The following ZDHHC14 variants were observed in gnomAD, a reference collection of about 807,000 sequenced individuals.
ZDHHC14 encodes zDHHC palmitoyltransferase 14.
In ZDHHC14, 16 loss-of-function variants were observed where a neutral mutation model predicts 47.7. The ratio of observed to expected loss-of-function variants is 0.34; its 90% CI spans 0.23 to 0.51. ZDHHC14 has a LOEUF of 0.51. Among genes scored for constraint, ZDHHC14 ranks in the 20% least tolerant of loss-of-function variants. The pLI, the probability that ZDHHC14 is intolerant of heterozygous loss-of-function variation, is 0.97. For missense variants in ZDHHC14, 515 were observed against 662.5 expected, an observed-to-expected ratio of 0.78 and a Z score of 2.44; for synonymous variants, 293 against 278.9, an observed-to-expected ratio of 1.05 and a Z score of -0.50.
In ZDHHC14 at chr6:157,393,964, C is replaced by T. The variant is rs149136460; in HGVS notation, c.245+11698C>T. ...CTGTCCCCTGCTTAGAGCACCTGCC[C>T]CCTGACCTGGCATTTCCTCTTGCCT... On this transcript the variant is annotated intron_variant, in intron 1 of 8. Transcript: ENST00000359775. Among the ~76,000 whole-genome samples the T allele has an allele frequency of 2.8e-3, 427 of 152,272 alleles. 5 individuals carry two copies. The highest frequency in any genetic ancestry group is 1.7e-3 in the Non-Finnish European group (114 of 68,016).
At chr6:157,450,192 A>T (rs1778771046) in intron 1 of ZDHHC14, among the ~76,000 whole-genome samples, 1 of 152,006 alleles carries the variant, frequency 6.6e-6, no homozygotes, top group African/African-American at 2.4e-5. Context: ...CTCAAGCCAG[A>T]CTAGTATGCA....
At chr6:157,653,964 A>G (rs1777964754) in intron 8 of ZDHHC14, among the ~76,000 whole-genome samples, 1 of 152,148 alleles carries the variant, frequency 6.6e-6, no homozygotes, top group South Asian at 2.1e-4. Flanking sequence ...GGCTGGGCTC[A>G]TGATCTTCCA....
chr6:157,528,583 T>A (rs907370921), intron 1 of ZDHHC14, among the ~76,000 whole-genome samples: 38 of 151,806 alleles, frequency 2.5e-4, no homozygotes, highest in African/African-American at 8.2e-4. Flanking sequence ...TACAAAGAAA[T>A]TAGCCAGGCG....
rs1780219556 is a variant in ZDHHC14 at position 157,502,785 on chromosome 6, G to A, written c.246-39800G>A. ...GGCTCACTGCAACCTCCGCCTCCCA[G>A]GTTCAAGCGATTCTCCTGGCTCAGC... On this transcript the variant is annotated intron_variant, in intron 1 of 8. Coordinates refer to ENST00000359775, the MANE Select transcript of ZDHHC14 (RefSeq NM_024630.3). The surrounding 1 kb of genome is among the most constrained non-coding windows in gnomAD (Gnocchi z 4.0). 6.6e-6 allele frequency among the ~76,000 whole-genome samples: 1 copy of A among 152,154 alleles called. No individual in the cohort carries two copies. Among genetic ancestry groups the A allele is most frequent in the African/African-American group, 2.4e-5 (1 of 41,416 alleles).
chr6:157,460,387 A>C (rs1042122665), intron 1 of ZDHHC14, among the ~76,000 whole-genome samples: 2 of 135,790 alleles, frequency 1.5e-5, no homozygotes, highest in Non-Finnish European at 3.1e-5. Flanking sequence ...CAACAGAGCC[A>C]GACTCACTCT....
At chr6:157,662,852 C>T (rs908236173) in intron 8 of ZDHHC14, among the ~76,000 whole-genome samples, 78 of 152,296 alleles carry the variant, frequency 5.1e-4, no homozygotes, top group African/African-American at 1.5e-3. Flanking sequence ...AAATTACAAG[C>T]TCTAAAACAT....
chr6:157,548,436 GTTGT>G (rs199951969), intron 2 of ZDHHC14, among the ~76,000 whole-genome samples: 4,371 of 151,060 alleles, frequency 0.029, 218 homozygotes, highest in African/African-American at 0.097. Flanking sequence ...TGTTGTTGTT[GTTGT>G]TTGTTTGTTT....
At chr6:157,616,090 C>T (rs1784952819) in intron 3 of ZDHHC14, among the ~76,000 whole-genome samples, 1 of 152,108 alleles carries the variant, frequency 6.6e-6, no homozygotes, top group East Asian at 1.9e-4. Flanking sequence ...GCAAGAGGCT[C>T]CTGAGATGTC....
At chr6:157,585,932 C>T (rs1165394257) in intron 2 of ZDHHC14, among the ~76,000 whole-genome samples, 1 of 152,188 alleles carries the variant, frequency 6.6e-6, no homozygotes, top group Non-Finnish European at 1.5e-5. Flanking sequence ...CACTTGAGGG[C>T]CTGTGGCTGT....
chr6:157,587,439 ATG>A (rs1783737559), intron 2 of ZDHHC14, among the ~76,000 whole-genome samples: 1 of 152,116 alleles, frequency 6.6e-6, no homozygotes, highest in Non-Finnish European at 1.5e-5. Flanking sequence ...ACCTCTCCAG[ATG>A]CCTGTGACAT....
chr6:157,437,505 G>C (rs1375972559), intron 1 of ZDHHC14, among the ~76,000 whole-genome samples: 1 of 152,212 alleles, frequency 6.6e-6, no homozygotes, highest in East Asian at 1.9e-4. Context: ...GAAGGAAGCA[G>C]TGAGTGCTCT....
intron 1 of ZDHHC14, among the ~76,000 whole-genome samples, chr6:157,482,304 A>G (rs1314473546): frequency 7.7e-6 from 1 of 129,578 alleles, no homozygotes; most frequent in Non-Finnish European, 1.6e-5. Flanking sequence ...TCTGTTTCCC[A>G]GGCTGGAGTG....
intron 1 of ZDHHC14, among the ~76,000 whole-genome samples, chr6:157,469,548 G>A (rs996941421): frequency 1.3e-5 from 2 of 152,230 alleles, no homozygotes; most frequent in African/African-American, 4.8e-5. Context: ...CCTGACAACA[G>A]AAGTTTATTT....
At chr6:157,431,427 G>A (rs1778336831) in intron 1 of ZDHHC14, among the ~76,000 whole-genome samples, 1 of 152,184 alleles carries the variant, frequency 6.6e-6, no homozygotes, top group South Asian at 2.1e-4. Flanking sequence ...GGACCATAGT[G>A]CCCATGTCCC....
chr6:157,552,076 T>C (rs891699009), intron 2 of ZDHHC14, among the ~76,000 whole-genome samples: 2 of 152,186 alleles, frequency 1.3e-5, no homozygotes, highest in African/African-American at 4.8e-5. Context: ...ACAGAAGAAA[T>C]GACGTCTTCT....
chr6:157,534,530 T>A (rs1319055212), intron 1 of ZDHHC14, among the ~76,000 whole-genome samples: 1 of 149,268 alleles, frequency 6.7e-6, no homozygotes, highest in Non-Finnish European at 1.5e-5. Flanking sequence ...CTTCCTGGAA[T>A]TCTATTTCAT....
chr6:157,391,674 C>G (rs1388742314), intron 1 of ZDHHC14, among the ~76,000 whole-genome samples: 1 of 152,218 alleles, frequency 6.6e-6, no homozygotes, highest in African/African-American at 2.4e-5. Flanking sequence ...GTTCTTCCTG[C>G]TGCTTTGCTA....
chr6:157,548,297 C>T (rs1419147160), intron 2 of ZDHHC14, among the ~76,000 whole-genome samples: 2 of 152,162 alleles, frequency 1.3e-5, no homozygotes, highest in East Asian at 3.9e-4. Flanking sequence ...GTGGCCCTTT[C>T]AGCCTCTCAC....
chr6:157,471,242 C>T (rs1460132839), intron 1 of ZDHHC14, among the ~76,000 whole-genome samples: 3 of 152,376 alleles, frequency 2.0e-5, no homozygotes, highest in African/African-American at 7.2e-5. Flanking sequence ...GATGCTCTCC[C>T]CGCAGAGTGC....
Sources: allele counts gnomAD v4.1 joint callset (sites outside exome capture counted in the v4.1 genomes callset), GRCh38; gene constraint gnomAD v4.1.1; non-coding constraint Gnocchi (gnomAD v3.1); transcripts MANE v1.5; gene names NCBI Gene and HGNC (gene_info 2026-07-23, HGNC 2026-07-21).